The following PIK3C2G variants were observed in gnomAD, a reference collection of about 807,000 sequenced individuals.
PIK3C2G encodes phosphatidylinositol-4-phosphate 3-kinase catalytic subunit type 2 gamma.
PIK3C2G carries 168 observed loss-of-function variants against 181.1 expected under a neutral mutation model. The observed-to-expected ratio is 0.93, with a 90% CI of 0.82 to 1.05. The LOEUF is 1.05. PIK3C2G is among the 50% of genes least tolerant of loss of function. The pLI, the probability that PIK3C2G is intolerant of heterozygous loss-of-function variation, is 0.00. For synonymous variants in PIK3C2G, 573 were observed against 592.2 expected, an observed-to-expected ratio of 0.97 and a Z score of 0.47; for missense variants, 1,869 against 1,732.8, an observed-to-expected ratio of 1.08 and a Z score of -1.40.
At chr12:18,599,955 G>T (rs1947617780) in intron 30 of PIK3C2G, among the ~76,000 whole-genome samples, 1 of 151,688 alleles carries the variant, frequency 6.6e-6, no homozygotes, top group Non-Finnish European at 1.5e-5. Flanking sequence ...AGAAATTATT[G>T]AACACACAAG....
chr12:18,716,491 G>A, the PIK3C2G span, among the ~76,000 whole-genome samples: 1 of 152,302 alleles, frequency 6.6e-6, no homozygotes, highest in African/African-American at 2.4e-5. Flanking sequence ...TAATGGTGAT[G>A]TTGAGGACAC....
At chr12:18,721,862 T>A in the PIK3C2G span, among the ~76,000 whole-genome samples, 2 of 151,822 alleles carry the variant, frequency 1.3e-5, no homozygotes, top group Admixed American at 1.3e-4. Context: ...CTCAACTCAA[T>A]GACACCACTA....
At chr12:18,712,934 G>T in the PIK3C2G span, 4 of 1,613,912 alleles carry the variant, frequency 2.5e-6, no homozygotes, top group South Asian at 2.2e-5. Flanking sequence ...GGTTCATTTT[G>T]TGCTCCATCC....
chr12:18,373,048 A>G (rs1026471720), intron 13 of PIK3C2G, among the ~76,000 whole-genome samples: 2 of 152,228 alleles, frequency 1.3e-5, no homozygotes, highest in Non-Finnish European at 2.9e-5. Flanking sequence ...TGAAAATCAG[A>G]AAATCTGCTT....
At chr12:18,405,136 G>A (rs1291290425) in intron 16 of PIK3C2G, among the ~76,000 whole-genome samples, 3 of 152,134 alleles carry the variant, frequency 2.0e-5, no homozygotes, top group Admixed American at 1.3e-4. Context: ...CGTAGTGAAC[G>A]TTGAAAAGTT....
At chr12:18,665,464 A>G in the PIK3C2G span, among the ~76,000 whole-genome samples, 2 of 152,320 alleles carry the variant, frequency 1.3e-5, no homozygotes, top group South Asian at 2.1e-4. Context: ...TAATTTCTCT[A>G]TTTTGTCTGT....
At chr12:18,271,693 A>G (rs1008226123) in intron 1 of PIK3C2G, among the ~76,000 whole-genome samples, 1 of 152,116 alleles carries the variant, frequency 6.6e-6, no homozygotes, top group African/African-American at 2.4e-5. Context: ...TTATACTGAG[A>G]TTTTATTCTC....
chr12:18,517,822 G>C (rs537121466), intron 24 of PIK3C2G, among the ~76,000 whole-genome samples: 1 of 152,226 alleles, frequency 6.6e-6, no homozygotes, highest in East Asian at 1.9e-4. Context: ...TTTTCAAAGG[G>C]AATGCTTCCA....
intron 26 of PIK3C2G, among the ~76,000 whole-genome samples, chr12:18,559,821 T>TATATAGAG (rs1945244509): frequency 2.7e-4 from 5 of 18,370 alleles, no homozygotes; most frequent in East Asian, 3.3e-3. Context: ...TATATATATA[T>TATATAGAG]AGAGAGAGAG....
intron 1 of PIK3C2G, among the ~76,000 whole-genome samples, chr12:18,276,006 AAC>A (rs1332903097): frequency 1.3e-5 from 2 of 152,222 alleles, no homozygotes; most frequent in Non-Finnish European, 1.5e-5. Context: ...CACTCAGTAA[AAC>A]AATATTTAAA....
chr12:18,503,145 G>A (rs900046476), intron 22 of PIK3C2G, 136 bp from the exon 23 acceptor site: 1 of 528,148 alleles, frequency 1.9e-6, no homozygotes, highest in Non-Finnish European at 3.2e-6. Flanking sequence ...ATCTAGATAA[G>A]CCTCCTCCAG....
chr12:18,604,928 C>A (rs918484743), intron 30 of PIK3C2G, among the ~76,000 whole-genome samples: 1 of 152,000 alleles, frequency 6.6e-6, no homozygotes, highest in Admixed American at 6.6e-5. Context: ...AGCCTGCCTA[C>A]ATCAAAAAGT....
At chr12:18,554,193 C>T (rs11833323) in intron 26 of PIK3C2G, among the ~76,000 whole-genome samples, 11,548 of 152,034 alleles carry the variant, frequency 0.076, 1,059 homozygotes, top group African/African-American at 0.22. Context: ...GCATAATGAG[C>T]GCTCTTCCCA....
chr12:18,340,846 T>A (rs1184269954), intron 9 of PIK3C2G, among the ~76,000 whole-genome samples: 1 of 152,118 alleles, frequency 6.6e-6, no homozygotes, highest in African/African-American at 2.4e-5. Context: ...GTATTAAGGA[T>A]GGTGCTGGTG....
At chr12:18,684,139 T>C in the PIK3C2G span, 1 of 1,611,700 alleles carries the variant, frequency 6.2e-7, no homozygotes, top group Non-Finnish European at 8.5e-7. Flanking sequence ...CCTTTGTTCA[T>C]GCATAGAAGT....
chr12:18,325,183 A>G, intron 8 of PIK3C2G, 85 bp downstream of exon 8: 1 of 686,952 alleles, frequency 1.5e-6, no homozygotes, highest in South Asian at 1.8e-5. Context: ...CAAATTTTGA[A>G]GATGACAAAA....
intron 13 of PIK3C2G, among the ~76,000 whole-genome samples, chr12:18,377,027 GT>G (rs1341632955): frequency 6.6e-6 from 1 of 152,158 alleles, no homozygotes; most frequent in East Asian, 1.9e-4. Context: ...ACACAACAGG[GT>G]TCCAGCTCAG....
the PIK3C2G span, among the ~76,000 whole-genome samples, chr12:18,720,765 C>T: frequency 6.6e-6 from 1 of 151,888 alleles, no homozygotes; most frequent in Non-Finnish European, 1.5e-5. Flanking sequence ...CAGTGATGTA[C>T]AAGAATGCTC....
intron 22 of PIK3C2G, 62 bp from the exon 23 acceptor site, chr12:18,503,219 C>G: frequency 1.5e-6 from 2 of 1,292,146 alleles, no homozygotes; most frequent in Non-Finnish European, 2.1e-6. Context: ...TGTTATATTT[C>G]CTAAGGCTCC....
Sources: gnomAD v4.1 joint callset for allele counts (sites outside exome capture counted in the v4.1 genomes callset) on GRCh38, gnomAD v4.1.1 for gene constraint, MANE v1.5 for transcripts, NCBI Gene and HGNC (gene_info 2026-07-23, HGNC 2026-07-21) for gene names.